The following NECAB1 variants were observed in gnomAD, a reference collection of about 807,000 sequenced individuals.
NECAB1 encodes the protein N-terminal EF-hand calcium binding protein 1, also known as N-terminal EF-hand calcium-binding protein 1.
In NECAB1, 29 loss-of-function variants were observed where a neutral mutation model predicts 57.5. The observed-to-expected ratio is 0.50, with a 90% CI of 0.38 to 0.69. The LOEUF is 0.69. NECAB1 is among the 30% of genes least tolerant of loss of function. The probability of loss-of-function intolerance (pLI) is 0.00; values close to 1 mark genes in which losing one functional copy is unlikely to be tolerated. For synonymous variants in NECAB1, 142 were observed against 147.7 expected (o/e 0.96, Z 0.28); for missense variants, 372 against 413.8 (o/e 0.90, Z 0.88).
At chr8:90,949,918 C>G (rs1259591007) in intron 11 of NECAB1, 34 bp downstream of exon 11, 3 of 1,349,334 alleles carry the variant, frequency 2.2e-6, no homozygotes, top group Admixed American at 3.8e-5. Flanking sequence ...TTATGTGAAG[C>G]CAGGAAGGTG....
At chr8:90,945,932 G>C (rs966760977) in intron 10 of NECAB1, among the ~76,000 whole-genome samples, 1 of 152,198 alleles carries the variant, frequency 6.6e-6, no homozygotes, top group Non-Finnish European at 1.5e-5. Context: ...TTTCGGGTGA[G>C]TAGAATCACA....
chr8:90,793,609 C>T (rs1811612360), intron 1 of NECAB1, among the ~76,000 whole-genome samples: 1 of 152,210 alleles, frequency 6.6e-6, no homozygotes, highest in Admixed American at 6.5e-5. Flanking sequence ...CCACAACATG[C>T]CTGAAAAGTC....
At chr8:90,885,138 T>G (rs1363291118) in intron 5 of NECAB1, among the ~76,000 whole-genome samples, 2 of 152,304 alleles carry the variant, frequency 1.3e-5, no homozygotes, top group East Asian at 3.9e-4. Flanking sequence ...TGGGTATAAT[T>G]TAAAGGTGAT....
At chr8:90,907,112 C>T (rs1358611773) in intron 5 of NECAB1, among the ~76,000 whole-genome samples, 2 of 141,300 alleles carry the variant, frequency 1.4e-5, no homozygotes, top group African/African-American at 5.4e-5. Flanking sequence ...TTCTTATAAT[C>T]CACCCAATTT....
chr8:90,872,315 G>T (rs1808636505), intron 4 of NECAB1, 162 bp downstream of exon 4: 3 of 555,882 alleles, frequency 5.4e-6, no homozygotes, highest in Admixed American at 4.0e-5. Flanking sequence ...CGTGAATTTT[G>T]CTCAAGTATG....
At chr8:90,843,566 AACTG>A (rs1168134997) in intron 3 of NECAB1, among the ~76,000 whole-genome samples, 1 of 152,210 alleles carries the variant, frequency 6.6e-6, no homozygotes, top group Non-Finnish European at 1.5e-5. Context: ...TGTTAGAGAC[AACTG>A]ACTATTATAC....
chr8:90,800,624 T>C (rs1039133509), intron 1 of NECAB1, among the ~76,000 whole-genome samples: 1 of 152,228 alleles, frequency 6.6e-6, no homozygotes, highest in African/African-American at 2.4e-5. Flanking sequence ...GATTTCAACA[T>C]TTGGTTTTGG....
chr8:90,795,859 A>G (rs1169478566), intron 1 of NECAB1, among the ~76,000 whole-genome samples: 5 of 151,802 alleles, frequency 3.3e-5, no homozygotes, highest in Non-Finnish European at 5.9e-5. Context: ...AGAAATTAGG[A>G]AAAAAAAATT....
intron 5 of NECAB1, among the ~76,000 whole-genome samples, chr8:90,897,039 T>C (rs896351406): frequency 6.6e-6 from 1 of 151,552 alleles, no homozygotes; most frequent in East Asian, 1.9e-4. Flanking sequence ...TCCTTCTATA[T>C]AGAAGTACCT....
intron 3 of NECAB1, among the ~76,000 whole-genome samples, chr8:90,855,187 A>T (rs1202304315): frequency 6.6e-6 from 1 of 152,222 alleles, no homozygotes; most frequent in African/African-American, 2.4e-5. Flanking sequence ...GACAAAGCCA[A>T]GCCTGCTCAA....
At chr8:90,951,236 TC>T (rs1810917943) in intron 12 of NECAB1, 32 bp downstream of exon 12, 1 of 1,318,774 alleles carries the variant, frequency 7.6e-7, no homozygotes, top group Admixed American at 2.1e-5. Context: ...TGCTTCTGTG[TC>T]CTTTTGTATT....
intron 1 of NECAB1, among the ~76,000 whole-genome samples, chr8:90,795,001 C>T (rs1453855937): frequency 6.6e-6 from 1 of 152,206 alleles, no homozygotes; most frequent in Non-Finnish European, 1.5e-5. Flanking sequence ...CTGGAGCAAG[C>T]ATTTGCATAT....
At position 90,920,462 on chromosome 8, in the gene NECAB1, A is replaced by G. The variant is rs545171392; in HGVS notation, c.494+2834A>G. Among the ~76,000 whole-genome samples the G allele has an allele frequency of 2.0e-5, 3 of 152,318 alleles. No homozygotes were observed. The South Asian group carries it at 6.2e-4, about 32-fold the overall frequency. ...TCATCAGTGAGGAAAAGATAGAGAG[A>G]GAAAAACTATACCTTTCCTATGATG... On this transcript the variant is annotated intron_variant, in intron 6 of 12. Coordinates refer to ENST00000417640, the MANE Select transcript of NECAB1 (RefSeq NM_022351.5).
At chr8:90,820,827 A>T (rs2129697064) in intron 2 of NECAB1, among the ~76,000 whole-genome samples, 2 of 152,060 alleles carry the variant, frequency 1.3e-5, no homozygotes, top group Middle Eastern at 3.4e-3. Context: ...AATGGAAATT[A>T]AAAACACATA....
intron 3 of NECAB1, among the ~76,000 whole-genome samples, chr8:90,843,302 A>G (rs1359607744): frequency 3.3e-5 from 5 of 152,228 alleles, no homozygotes; most frequent in Non-Finnish European, 7.3e-5. Flanking sequence ...AAACCATATC[A>G]CACACCATTT....
intron 3 of NECAB1, among the ~76,000 whole-genome samples, chr8:90,853,484 C>T (rs1007024337): frequency 1.3e-5 from 2 of 150,002 alleles, no homozygotes; most frequent in African/African-American, 4.9e-5. Context: ...TAGAAAAAAA[C>T]TGAACTTGAG....
chr8:90,931,641 C>T (rs1164525891), intron 8 of NECAB1, among the ~76,000 whole-genome samples: 18 of 152,294 alleles, frequency 1.2e-4, no homozygotes, highest in South Asian at 1.0e-3. Context: ...CAGTGGCTCA[C>T]GCCTGTAATC....
chr8:90,842,687 A>G (rs1812474434), intron 3 of NECAB1, among the ~76,000 whole-genome samples: 1 of 152,244 alleles, frequency 6.6e-6, no homozygotes, highest in African/African-American at 2.4e-5. Context: ...CATTTTCTGT[A>G]ACAACACAAA....
chr8:90,882,140 C>G (rs765310194), intron 5 of NECAB1, among the ~76,000 whole-genome samples: 4 of 151,962 alleles, frequency 2.6e-5, no homozygotes, highest in Non-Finnish European at 5.9e-5. Context: ...GAAATAAAAA[C>G]AAAAAACCTC....
Sources: gnomAD v4.1 joint callset for allele counts (sites outside exome capture counted in the v4.1 genomes callset) on GRCh38, gnomAD v4.1.1 for gene constraint, MANE v1.5 for transcripts, NCBI Gene and HGNC (gene_info 2026-07-23, HGNC 2026-07-21) for gene names.